Variants in ASTN2 observed in about 807,000 individuals in gnomAD.
The protein encoded by ASTN2 is astrotactin-2.
ASTN2 carries 54 observed loss-of-function variants against 139.8 expected under a neutral mutation model. The ratio of observed to expected loss-of-function variants is 0.39; its 90% confidence interval spans 0.31 to 0.48. ASTN2 has a LOEUF of 0.48. Among genes scored for constraint, ASTN2 ranks in the 20% least tolerant of loss-of-function variants. The pLI, the probability that ASTN2 is intolerant of heterozygous loss-of-function variation, is 0.95. For synonymous variants in ASTN2, 756 were observed against 719.5 expected, an observed-to-expected ratio of 1.05 and a Z score of -0.81; for missense variants, 1,565 against 1,725.1, an observed-to-expected ratio of 0.91 and a Z score of 1.64.
At chr9:117,186,247 C>G (rs771343356) in intron 3 of ASTN2, among the ~76,000 whole-genome samples, 20 of 152,184 alleles carry the variant, frequency 1.3e-4, no homozygotes, top group Non-Finnish European at 2.8e-4. Context: ...ACTCCTATTT[C>G]TACTAAAAAT....
chr9:116,591,408 C>T (rs1854373897), intron 19 of ASTN2, among the ~76,000 whole-genome samples: 1 of 152,238 alleles, frequency 6.6e-6, no homozygotes, highest in African/African-American at 2.4e-5. Flanking sequence ...GCTCACACAC[C>T]CCTCACCACT....
intron 22 of ASTN2, among the ~76,000 whole-genome samples, chr9:116,426,420 A>T (rs539286416): frequency 6.6e-6 from 1 of 152,166 alleles, no homozygotes; most frequent in Non-Finnish European, 1.5e-5. Flanking sequence ...CAACAAGAAC[A>T]ACCAAAAGTT....
At chr9:116,769,241 T>A (rs1829894506) in intron 13 of ASTN2, among the ~76,000 whole-genome samples, 1 of 152,186 alleles carries the variant, frequency 6.6e-6, no homozygotes, top group Admixed American at 6.5e-5. Context: ...ACAATGGTGC[T>A]AAATAAAAGA....
At chr9:117,204,136 C>T (rs1364536581) in intron 3 of ASTN2, among the ~76,000 whole-genome samples, 2 of 152,220 alleles carry the variant, frequency 1.3e-5, no homozygotes, top group Admixed American at 6.5e-5. Flanking sequence ...ACTGTGGCCG[C>T]CTACTGCCAT....
chr9:117,350,586 AAAAAG>A lies in ASTN2; in HGVS notation c.443-59078_443-59074del, dbSNP rs556175220. Among the ~76,000 whole-genome samples the A allele has an allele frequency of 3.9e-3, 583 of 149,698 alleles. 14 individuals are homozygous for A. The highest frequency in any genetic ancestry group is 0.029 in the Admixed American group (435 of 15,042). ...AAAAGGAAAGAAAGAAAAGAAAAGA[AAAAAG>A]AAAAGAAAAGAAAAATCAGAGACAG... On this transcript the variant is annotated intron_variant, in intron 1 of 22. Coordinates refer to ENST00000313400, the MANE Select transcript of ASTN2 (RefSeq NM_001365068.1).
chr9:117,020,717 G>A (rs2132614618), intron 6 of ASTN2, among the ~76,000 whole-genome samples: 1 of 152,234 alleles, frequency 6.6e-6, no homozygotes, highest in South Asian at 2.1e-4. Flanking sequence ...CCTAGGGAGA[G>A]AGTGAGTTTT....
intron 19 of ASTN2, among the ~76,000 whole-genome samples, chr9:116,488,551 G>A (rs1471266479): frequency 6.6e-6 from 1 of 152,128 alleles, no homozygotes; most frequent in Non-Finnish European, 1.5e-5. Context: ...CATAGAAATG[G>A]CTATATCAAT....
intron 11 of ASTN2, among the ~76,000 whole-genome samples, chr9:116,824,629 T>A (rs756877544): frequency 1.3e-5 from 2 of 152,212 alleles, no homozygotes; most frequent in Non-Finnish European, 2.9e-5. Context: ...GAACCACACA[T>A]AGAAGCTGCT....
intron 6 of ASTN2, among the ~76,000 whole-genome samples, chr9:117,038,539 A>T (rs1336519607): frequency 6.6e-6 from 1 of 152,192 alleles, no homozygotes; most frequent in Non-Finnish European, 1.5e-5. Flanking sequence ...CGTTTATGGC[A>T]TTCCTTATGG....
At chr9:117,116,617 A>G (rs1324836161) in intron 4 of ASTN2, among the ~76,000 whole-genome samples, 1 of 150,986 alleles carries the variant, frequency 6.6e-6, no homozygotes, top group African/African-American at 2.4e-5. Context: ...ATGCTAGTCT[A>G]GGAGAATGGT....
At chr9:116,476,643 C>T (rs780516982) in intron 20 of ASTN2, among the ~76,000 whole-genome samples, 12 of 152,192 alleles carry the variant, frequency 7.9e-5, no homozygotes, top group South Asian at 2.1e-4. Flanking sequence ...AACAAATATG[C>T]GCTTTTCTTG....
At chr9:117,360,914 TC>T (rs1161528742) in intron 1 of ASTN2, among the ~76,000 whole-genome samples, 2 of 152,206 alleles carry the variant, frequency 1.3e-5, no homozygotes, top group African/African-American at 2.4e-5. Flanking sequence ...ACAGTTTTTT[TC>T]CCCCTTCCAC....
chr9:117,280,700 GT>G (rs1834304224), intron 2 of ASTN2, among the ~76,000 whole-genome samples: 1 of 152,154 alleles, frequency 6.6e-6, no homozygotes, highest in Non-Finnish European at 1.5e-5. Flanking sequence ...ATAAATTTCT[GT>G]TGTCTTAAGC....
intron 3 of ASTN2, among the ~76,000 whole-genome samples, chr9:117,191,027 A>C (rs1048162413): frequency 6.6e-6 from 1 of 152,150 alleles, no homozygotes; most frequent in Non-Finnish European, 1.5e-5. Flanking sequence ...AAAATAGATG[A>C]ATAAATGTTA....
At chr9:117,242,721 TAAG>T (rs567717115) in intron 2 of ASTN2, among the ~76,000 whole-genome samples, 1 of 152,214 alleles carries the variant, frequency 6.6e-6, no homozygotes, top group Admixed American at 6.5e-5. Flanking sequence ...AGAGGCATGA[TAAG>T]AAGACTTCCC....
At chr9:116,739,786 G>C (rs928756716) in intron 13 of ASTN2, among the ~76,000 whole-genome samples, 2 of 152,210 alleles carry the variant, frequency 1.3e-5, no homozygotes, top group Non-Finnish European at 2.9e-5. Context: ...CTGAGTGCCT[G>C]AGTAAAACTG....
chr9:116,899,309 T>C (rs1213877067), intron 10 of ASTN2, among the ~76,000 whole-genome samples: 1 of 152,130 alleles, frequency 6.6e-6, no homozygotes, highest in Non-Finnish European at 1.5e-5. Context: ...GCCTTTTCCA[T>C]AATGGTGTCC....
chr9:117,283,655 T>G (rs555689626), intron 2 of ASTN2, among the ~76,000 whole-genome samples: 15 of 152,314 alleles, frequency 9.8e-5, no homozygotes, highest in Admixed American at 3.3e-4. Flanking sequence ...ATGTATTACA[T>G]GGTTTTTCCA....
chr9:116,880,116 A>G (rs1010558730), intron 10 of ASTN2, among the ~76,000 whole-genome samples: 13 of 152,222 alleles, frequency 8.5e-5, no homozygotes, highest in African/African-American at 3.1e-4. Context: ...TTTACAACAA[A>G]TGCAATATGA....
Sources: gnomAD v4.1 joint callset for allele counts (sites outside exome capture counted in the v4.1 genomes callset) on GRCh38, gnomAD v4.1.1 for gene constraint, MANE v1.5 for transcripts, NCBI Gene and HGNC (gene_info 2026-07-23, HGNC 2026-07-21) for gene names.